SEZ6L: variants seen among roughly 807,000 people sequenced by gnomAD.
The protein encoded by SEZ6L is seizure related 6 homolog like.
In SEZ6L, 37 loss-of-function variants were observed where a neutral mutation model predicts 106.2. The observed-to-expected ratio is 0.35, with a 90% CI of 0.27 to 0.46. The LOEUF (loss-of-function observed/expected upper bound fraction) is 0.46. Among genes scored for constraint, SEZ6L ranks in the 20% least tolerant of loss-of-function variants. The pLI is 1.00. For missense variants in SEZ6L, 1,172 were observed against 1,332.8 expected (o/e 0.88, Z 1.88); for synonymous variants, 541 against 570.4 (o/e 0.95, Z 0.73).
At chr22:26,265,533 C>T (rs1250550254) in intron 1 of SEZ6L, among the ~76,000 whole-genome samples, 4 of 152,158 alleles carry the variant, frequency 2.6e-5, no homozygotes, top group South Asian at 2.1e-4. Flanking sequence ...TTTGAAGAAT[C>T]GTGTCTTTTC....
chr22:26,220,975 G>A (rs1227199769), intron 1 of SEZ6L, among the ~76,000 whole-genome samples: 1 of 151,818 alleles, frequency 6.6e-6, no homozygotes, highest in Non-Finnish European at 1.5e-5. Flanking sequence ...AGGAAGAAAG[G>A]AAGGAAGGTG....
intron 15 of SEZ6L, 146 bp from the exon 16 acceptor site, chr22:26,377,527 G>A (rs556654132): frequency 1.8e-5 from 12 of 651,652 alleles, no homozygotes; most frequent in African/African-American, 1.1e-4. Flanking sequence ...TAGGATTCTC[G>A]CCTGCAAAAG....
At chr22:26,228,857 C>T (rs568559008) in intron 1 of SEZ6L, among the ~76,000 whole-genome samples, 39 of 152,248 alleles carry the variant, frequency 2.6e-4, no homozygotes, top group African/African-American at 7.7e-4. Flanking sequence ...TTACTGTGCT[C>T]GCCTCCTCAA....
chr22:26,180,409 A>G (rs2123775213), intron 1 of SEZ6L, among the ~76,000 whole-genome samples: 1 of 152,268 alleles, frequency 6.6e-6, no homozygotes, highest in East Asian at 1.9e-4. Context: ...CGGGGTTAGG[A>G]GTTGACTTTT....
At chr22:26,225,073 G>A (rs979818820) in intron 1 of SEZ6L, among the ~76,000 whole-genome samples, 2 of 152,216 alleles carry the variant, frequency 1.3e-5, no homozygotes, top group African/African-American at 4.8e-5. Context: ...ATCTGTGGTG[G>A]TCTGACACTA....
chr22:26,233,652 A>G (rs781047858), intron 1 of SEZ6L, among the ~76,000 whole-genome samples: 1 of 152,194 alleles, frequency 6.6e-6, no homozygotes, highest in African/African-American at 2.4e-5. Context: ...CCCTCATTCT[A>G]CATGTATTTA....
intron 10 of SEZ6L, among the ~76,000 whole-genome samples, chr22:26,342,038 G>A (rs142850124): frequency 1.8e-4 from 28 of 152,258 alleles, no homozygotes; most frequent in East Asian, 3.9e-4. Flanking sequence ...GGGCAGAGCC[G>A]AGCTCCAATC....
At chr22:26,218,325 G>A (rs2078356434) in intron 1 of SEZ6L, among the ~76,000 whole-genome samples, 1 of 152,116 alleles carries the variant, frequency 6.6e-6, no homozygotes, top group African/African-American at 2.4e-5. Context: ...TGCCATGGTG[G>A]TTTGCTGCAG....
chr22:26,348,672 A>G (rs2083135458), intron 11 of SEZ6L, among the ~76,000 whole-genome samples: 1 of 70,592 alleles, frequency 1.4e-5, no homozygotes, highest in African/African-American at 5.8e-5. Context: ...GAAAGAAAGA[A>G]AGAAAGAAAG....
chr22:26,302,073 G>C (rs1258341277), intron 5 of SEZ6L, among the ~76,000 whole-genome samples: 1 of 152,206 alleles, frequency 6.6e-6, no homozygotes, highest in Non-Finnish European at 1.5e-5. Flanking sequence ...AACTCAGGGA[G>C]ATAAGATTAC....
chr22:26,182,324 T>A (rs1939457665), intron 1 of SEZ6L, among the ~76,000 whole-genome samples: 1 of 152,236 alleles, frequency 6.6e-6, no homozygotes, highest in South Asian at 2.1e-4. Flanking sequence ...ATTTGGTGTA[T>A]GATGGTGCTT....
chr22:26,230,267 C>A (rs79873029), intron 1 of SEZ6L, among the ~76,000 whole-genome samples: 1 of 151,584 alleles, frequency 6.6e-6, no homozygotes, highest in African/African-American at 2.4e-5. Context: ...ATTTGGGAAA[C>A]TGAGGGAGAA....
intron 1 of SEZ6L, among the ~76,000 whole-genome samples, chr22:26,187,136 G>T (rs1939835964): frequency 6.6e-6 from 1 of 152,174 alleles, no homozygotes; most frequent in Non-Finnish European, 1.5e-5. Context: ...AAGGAAAGAG[G>T]TAATTGACTC....
chr22:26,346,036 CT>C (rs1275257967), intron 10 of SEZ6L, among the ~76,000 whole-genome samples: 1 of 139,194 alleles, frequency 7.2e-6, no homozygotes, highest in Non-Finnish European at 1.6e-5. Flanking sequence ...TTTTTTTTTT[CT>C]TTTCTTTTGA....
chr22:26,336,013 C>T (rs2082633402), intron 9 of SEZ6L, among the ~76,000 whole-genome samples: 1 of 152,128 alleles, frequency 6.6e-6, no homozygotes, highest in African/African-American at 2.4e-5. Flanking sequence ...CCTTCTTTTC[C>T]TTCTCTTATA....
chr22:26,204,108 A>G (rs1390089200), intron 1 of SEZ6L, among the ~76,000 whole-genome samples: 1 of 152,192 alleles, frequency 6.6e-6, no homozygotes, highest in Non-Finnish European at 1.5e-5. Flanking sequence ...TTCCATTCCT[A>G]CATCTTATTG....
At chr22:26,306,528 T>C (rs1441133428) in intron 6 of SEZ6L, among the ~76,000 whole-genome samples, 1 of 152,200 alleles carries the variant, frequency 6.6e-6, no homozygotes, top group Non-Finnish European at 1.5e-5. Flanking sequence ...GTAGAAAATA[T>C]TAGTTTCTGA....
chr22:26,179,786 A>G (rs1334658524), intron 1 of SEZ6L, among the ~76,000 whole-genome samples: 2 of 152,164 alleles, frequency 1.3e-5, no homozygotes, highest in South Asian at 2.1e-4. Flanking sequence ...TCTATTGCCT[A>G]ACTCCTCTGC....
At chr22:26,351,923 T>C (rs994963462) in intron 12 of SEZ6L, among the ~76,000 whole-genome samples, 1 of 151,094 alleles carries the variant, frequency 6.6e-6, no homozygotes, top group East Asian at 2.0e-4. Context: ...CTGTGGGAGG[T>C]CAAGGCAGGC....
Sources: gnomAD v4.1 joint callset for allele counts (sites outside exome capture counted in the v4.1 genomes callset) on GRCh38, gnomAD v4.1.1 for gene constraint, MANE v1.5 for transcripts, NCBI Gene and HGNC (gene_info 2026-07-23, HGNC 2026-07-21) for gene names.